KIF26B: variants seen among roughly 807,000 people sequenced by gnomAD.
KIF26B encodes kinesin-like protein KIF26B.
In KIF26B, 63 loss-of-function variants were observed where a neutral mutation model predicts 151.2. The ratio of observed to expected loss-of-function variants is 0.42; its 90% confidence interval spans 0.34 to 0.51. KIF26B has a LOEUF of 0.51. KIF26B is among the 20% of genes least tolerant of loss of function. The pLI is 0.07. For synonymous variants in KIF26B, 1,357 were observed against 1,262.1 expected (o/e 1.08, Z -1.59); for missense variants, 2,813 against 2,913.6 (o/e 0.97, Z 0.79).
chr1:245,688,981 G>T (rs1299811851), intron 12 of KIF26B, among the ~76,000 whole-genome samples, 174 bp downstream of exon 12: 2 of 151,860 alleles, frequency 1.3e-5, no homozygotes, highest in African/African-American at 4.8e-5. Context: ...GCCCTGGGGA[G>T]GGGGCGTCCA....
intron 10 of KIF26B, among the ~76,000 whole-genome samples, chr1:245,676,017 A>G (rs904631501): frequency 3.3e-5 from 5 of 152,290 alleles, no homozygotes; most frequent in Admixed American, 3.3e-4. Flanking sequence ...TCAAGCAGAA[A>G]GCAGATCACC....
intron 9 of KIF26B, among the ~76,000 whole-genome samples, chr1:245,639,179 T>C (rs1037369898): frequency 6.6e-6 from 1 of 151,886 alleles, no homozygotes; most frequent in African/African-American, 2.4e-5. Context: ...CAGGTTTTTA[T>C]TTCTTCACAG....
intron 4 of KIF26B, among the ~76,000 whole-genome samples, chr1:245,508,984 G>A (rs1660777460): frequency 6.6e-6 from 1 of 152,172 alleles, no homozygotes; most frequent in Non-Finnish European, 1.5e-5. Flanking sequence ...ACTGTGAAGT[G>A]TATCATGCAT....
intron 4 of KIF26B, among the ~76,000 whole-genome samples, chr1:245,481,238 C>T (rs1385227130): frequency 6.6e-6 from 1 of 151,778 alleles, no homozygotes; most frequent in Non-Finnish European, 1.5e-5. Context: ...CAAGAACTGG[C>T]AAAGGGCCTC....
intron 2 of KIF26B, among the ~76,000 whole-genome samples, chr1:245,210,508 C>CTTTTTTT (rs35803033): frequency 1.5e-5 from 2 of 129,768 alleles, no homozygotes; most frequent in African/African-American, 2.9e-5. Flanking sequence ...ATATCCTAAG[C>CTTTTTTT]TTTTTTTTTT....
chr1:245,345,797 G>A (rs867093190), intron 2 of KIF26B, among the ~76,000 whole-genome samples: 2 of 152,086 alleles, frequency 1.3e-5, no homozygotes, highest in Middle Eastern at 3.4e-3. Flanking sequence ...GCCTTCTGCC[G>A]CGATTGGAAG....
intron 3 of KIF26B, among the ~76,000 whole-genome samples, chr1:245,394,691 T>TTTTC (rs1553270529): frequency 1.1e-4 from 16 of 143,648 alleles, no homozygotes; most frequent in African/African-American, 3.4e-4. Flanking sequence ...TTTCTTTCTT[T>TTTTC]TTTTTTTTTT....
chr1:245,414,111 G>A (rs1032681605), intron 3 of KIF26B, among the ~76,000 whole-genome samples: 2 of 152,230 alleles, frequency 1.3e-5, no homozygotes, highest in African/African-American at 4.8e-5. Context: ...TGGAGAAGGG[G>A]CAGGCTTCCT....
chr1:245,304,815 A>G (rs556133983), intron 2 of KIF26B, among the ~76,000 whole-genome samples: 18 of 152,092 alleles, frequency 1.2e-4, no homozygotes, highest in Non-Finnish European at 2.4e-4. Flanking sequence ...AAACTGAGTG[A>G]TTCATGATTG....
chr1:245,494,199 G>A (rs762791732), intron 4 of KIF26B, among the ~76,000 whole-genome samples: 10 of 152,048 alleles, frequency 6.6e-5, no homozygotes, highest in Admixed American at 1.3e-4. Context: ...CCAGATACTC[G>A]GGAGACTGAG....
chr1:245,603,483 G>T (rs2043418278), intron 6 of KIF26B, among the ~76,000 whole-genome samples: 1 of 152,168 alleles, frequency 6.6e-6, no homozygotes, highest in Admixed American at 6.5e-5. Context: ...TCAGCTGTGG[G>T]TTGGGCAGGC....
chr1:245,548,745 C>CTT (rs34079894), intron 5 of KIF26B, among the ~76,000 whole-genome samples: 415 of 143,772 alleles, frequency 2.9e-3, no homozygotes, highest in African/African-American at 9.3e-3. Context: ...CATTTTGCAA[C>CTT]TTTTTTTTTT....
intron 9 of KIF26B, among the ~76,000 whole-genome samples, chr1:245,645,786 A>G (rs2103184874): frequency 6.6e-6 from 1 of 152,336 alleles, no homozygotes; most frequent in South Asian, 2.1e-4. Flanking sequence ...TTCAAATGGC[A>G]TTTAGGTAGA....
intron 10 of KIF26B, among the ~76,000 whole-genome samples, chr1:245,665,715 AT>A (rs1478705687): frequency 3.0e-4 from 2 of 6,720 alleles, no homozygotes; most frequent in Non-Finnish European, 4.8e-4. Context: ...TCTTTTTTTT[AT>A]TTTTTATTTT....
intron 2 of KIF26B, among the ~76,000 whole-genome samples, chr1:245,357,409 T>C (rs1672722898): frequency 6.6e-6 from 1 of 152,220 alleles, no homozygotes; most frequent in Non-Finnish European, 1.5e-5. Flanking sequence ...TATGAATGAC[T>C]TAGAGAAGTG....
intron 2 of KIF26B, among the ~76,000 whole-genome samples, chr1:245,329,035 A>G (rs1231644235): frequency 1.3e-5 from 2 of 152,246 alleles, no homozygotes; most frequent in African/African-American, 4.8e-5. Flanking sequence ...ATTGTGGATT[A>G]AAATGAGGGC....
Position 245,477,058 on chromosome 1 carries a change from T to C in KIF26B, c.1166+57313T>C, listed in dbSNP as rs1660055907. On this transcript the variant is annotated intron_variant, in intron 4 of 14. Coordinates refer to ENST00000407071, the MANE Select transcript of KIF26B (RefSeq NM_018012.4). ...GATGATATTTCTAAGAGTGAGCCAG[T>C]ACGTTTCTGGCAAAATAAAGACTTT... Among the ~76,000 whole-genome samples, 3 of 151,802 alleles carry C rather than the reference T, an allele frequency of 2.0e-5. No homozygotes were observed. The South Asian group carries it at 6.3e-4, about 32-fold the overall frequency.
intron 4 of KIF26B, among the ~76,000 whole-genome samples, chr1:245,472,399 A>G (rs1409548673): frequency 6.6e-6 from 1 of 152,212 alleles, no homozygotes; most frequent in Non-Finnish European, 1.5e-5. Flanking sequence ...TCCCTTATTC[A>G]GAACACTTGA....
intron 3 of KIF26B, among the ~76,000 whole-genome samples, chr1:245,409,725 G>A (rs893573266): frequency 6.6e-6 from 1 of 152,120 alleles, no homozygotes; most frequent in Admixed American, 6.5e-5. Flanking sequence ...TGCTGGCTGG[G>A]GGTGCTGGAC....
Sources: allele counts gnomAD v4.1 joint callset (sites outside exome capture counted in the v4.1 genomes callset), GRCh38; gene constraint gnomAD v4.1.1; transcripts MANE v1.5; gene names NCBI Gene and HGNC (gene_info 2026-07-23, HGNC 2026-07-21).